Variants in DMD observed in about 807,000 individuals in gnomAD.
DMD encodes dystrophin.
A neutral mutation model predicts 330.1 loss-of-function variants in DMD; 63 were observed. The ratio of observed to expected loss-of-function variants is 0.19; its 90% CI spans 0.16 to 0.24. The LOEUF (loss-of-function observed/expected upper bound fraction) is 0.24, where lower values mean the gene tolerates loss of function less well. DMD is among the 10% of genes least tolerant of loss of function. The pLI is 1.00. For missense variants in DMD, 3,344 were observed against 2,684.1 expected (o/e 1.25, Z -5.43); for synonymous variants, 1,223 against 959.8 (o/e 1.27, Z -5.07).
At chrX:31,559,640 C>CAGAAA (rs2075073991) in intron 55 of DMD, among the ~76,000 whole-genome samples, 4 of 21,620 alleles carry the variant, frequency 1.9e-4, no homozygotes, top group Non-Finnish European at 4.2e-4. Flanking sequence ...AACTCCGTCT[C>CAGAAA]AAAAAAAAAA....
chrX:31,772,620 T>A (rs983638426), intron 51 of DMD, among the ~76,000 whole-genome samples: 18 of 111,073 alleles, frequency 1.6e-4, no homozygotes, highest in African/African-American at 5.9e-4. Flanking sequence ...TTGCTTGCAG[T>A]ACATATATTA....
chrX:33,288,267 G>C (rs1463309882), intron 1 of DMD, among the ~76,000 whole-genome samples: 1 of 111,374 alleles, frequency 9.0e-6, no homozygotes, highest in Non-Finnish European at 1.9e-5. Flanking sequence ...AGTGTCATGG[G>C]TGCCATTCCA....
chrX:31,266,741 GC>G, intron 62 of DMD: 2 of 1,064,991 alleles, frequency 1.9e-6, no homozygotes, highest in Non-Finnish European at 2.6e-6. Context: ...GCCTCAGCTT[GC>G]CCCCTGCTCG....
intron 2 of DMD, among the ~76,000 whole-genome samples, chrX:32,855,053 T>C (rs2081430610): frequency 8.9e-6 from 1 of 111,872 alleles, no homozygotes; most frequent in Non-Finnish European, 1.9e-5. Context: ...TGATAGATCG[T>C]ATGAACAGAA....
At chrX:32,729,836 T>A (rs1167873991) in intron 7 of DMD, among the ~76,000 whole-genome samples, 1 of 112,132 alleles carries the variant, frequency 8.9e-6, no homozygotes, top group African/African-American at 3.2e-5. Flanking sequence ...ATTCAACATA[T>A]CTTAACCATT....
chrX:32,190,550 TTATA>T (rs753482446), intron 44 of DMD, among the ~76,000 whole-genome samples: 4,119 of 62,423 alleles, frequency 0.066, 140 homozygotes, highest in African/African-American at 0.11. Context: ...ATTTAAAATT[TTATA>T]TATATATATA....
chrX:32,317,227 T>C (rs188765296), intron 41 of DMD, among the ~76,000 whole-genome samples: 3 of 111,426 alleles, frequency 2.7e-5, no homozygotes, highest in Admixed American at 9.6e-5. Context: ...TAACCATATA[T>C]ACCCCAAAGA....
intron 55 of DMD, among the ~76,000 whole-genome samples, chrX:31,511,701 T>A (rs1193084259): frequency 9.2e-6 from 1 of 109,066 alleles, no homozygotes; most frequent in Non-Finnish European, 1.9e-5. Flanking sequence ...CCATGGTGTA[T>A]ATGTGCCACA....
At chrX:31,378,854 A>C (rs2060015477) in intron 60 of DMD, among the ~76,000 whole-genome samples, 1 of 110,580 alleles carries the variant, frequency 9.0e-6, no homozygotes, top group Non-Finnish European at 1.9e-5. Context: ...CACCTGACCT[A>C]AAACCTAAAT....
intron 59 of DMD, among the ~76,000 whole-genome samples, chrX:31,469,581 TTC>T (rs1036682309): frequency 1.8e-4 from 20 of 111,319 alleles, no homozygotes; most frequent in African/African-American, 6.6e-4. Context: ...AGCCTGACCT[TTC>T]TCTCTGGCTG....
In DMD at chrX:32,335,909, G is replaced by GT. The variant is rs745701465; in HGVS notation, c.5922+6190dup. 1.4e-3 allele frequency among the ~76,000 whole-genome samples: 142 copies of GT among 104,203 alleles called. 1 individual carries two copies. The highest frequency in any genetic ancestry group is 4.5e-3 in the African/African-American group (129 of 28,809). 90.5% of individuals were successfully genotyped at this position (104,203 alleles called of 115,157 possible). A position where few individuals can be genotyped will look rare whatever the true frequency, so the allele number is the denominator to read the frequency against. ...ATATATAACATGTTATACATATAAC[G>GT]TGTATATATGTATGTTATATATAAC... is the stretch of plus-strand genomic sequence containing the variant. On this transcript the variant is annotated intron_variant, in intron 41 of 78. Transcript: ENST00000357033.
intron 2 of DMD, among the ~76,000 whole-genome samples, chrX:32,964,882 T>A (rs1025302942): frequency 9.2e-4 from 103 of 112,210 alleles, no homozygotes; most frequent in Non-Finnish European, 2.1e-4. Context: ...TTGTTGAAAG[T>A]ACACAACACT....
chrX:32,886,156 G>A (rs769166867), intron 2 of DMD, among the ~76,000 whole-genome samples: 52 of 110,932 alleles, frequency 4.7e-4, no homozygotes, highest in African/African-American at 1.7e-3. Context: ...CATGAAGTCA[G>A]TATTATTTTA....
At chrX:32,930,944 T>C (rs2089530928) in intron 2 of DMD, among the ~76,000 whole-genome samples, 1 of 108,301 alleles carries the variant, frequency 9.2e-6, no homozygotes, top group African/African-American at 3.3e-5. Flanking sequence ...AGTCTATGCA[T>C]ATATTTTTCT....
intron 44 of DMD, among the ~76,000 whole-genome samples, chrX:31,983,172 A>G (rs1006242010): frequency 9.0e-6 from 1 of 110,795 alleles, no homozygotes; most frequent in Non-Finnish European, 1.9e-5. Flanking sequence ...TATTGTAGGG[A>G]AATAAGGGAA....
intron 2 of DMD, among the ~76,000 whole-genome samples, chrX:32,984,856 T>A (rs1163515001): frequency 9.0e-6 from 1 of 111,629 alleles, no homozygotes; most frequent in Admixed American, 9.6e-5. Context: ...GTACTGCTTG[T>A]GTAATTAACT....
intron 44 of DMD, among the ~76,000 whole-genome samples, chrX:32,008,090 AG>A (rs2095676488): frequency 9.0e-6 from 1 of 111,203 alleles, no homozygotes. Flanking sequence ...TGAGAGTATA[AG>A]GGGACAGTGG....
At chrX:32,731,085 A>C (rs975737537) in intron 7 of DMD, among the ~76,000 whole-genome samples, 1 of 111,968 alleles carries the variant, frequency 8.9e-6, no homozygotes, top group Admixed American at 9.4e-5. Flanking sequence ...AGGGTGAGGC[A>C]TTGCCTCACT....
chrX:32,485,734 C>CTGTTTTTTTT (rs2042377270), intron 20 of DMD, among the ~76,000 whole-genome samples: 1 of 36,149 alleles, frequency 2.8e-5, no homozygotes, highest in Non-Finnish European at 4.7e-5. Context: ...GCAACCACTG[C>CTGTTTTTTTT]TTTTTTTTTT....
Sources: allele counts gnomAD v4.1 joint callset (sites outside exome capture counted in the v4.1 genomes callset), GRCh38; gene constraint gnomAD v4.1.1; transcripts MANE v1.5; gene names NCBI Gene and HGNC (gene_info 2026-07-23, HGNC 2026-07-21).